TRIO: variants seen among roughly 807,000 people sequenced by gnomAD.
TRIO encodes triple functional domain protein.
A neutral mutation model predicts 351.9 loss-of-function variants in TRIO; 58 were observed. The ratio of observed to expected loss-of-function variants is 0.16; its 90% CI spans 0.13 to 0.21. The LOEUF is 0.21. TRIO is among the 10% of genes least tolerant of loss of function. TRIO has a pLI of 1.00. For missense variants in TRIO, 3,201 were observed against 4,027.8 expected, an observed-to-expected ratio of 0.79 and a Z score of 5.56; for synonymous variants, 1,758 against 1,595.7, an observed-to-expected ratio of 1.10 and a Z score of -2.42.
chr5:14,214,445 T>A (rs1283611861), intron 1 of TRIO, among the ~76,000 whole-genome samples: 2 of 152,326 alleles, frequency 1.3e-5, no homozygotes, highest in East Asian at 1.9e-4. Context: ...ACTCAGTAGG[T>A]GTTTCCTTAC....
At chr5:14,248,579 G>C (rs1794569832) in intron 1 of TRIO, among the ~76,000 whole-genome samples, 1 of 152,220 alleles carries the variant, frequency 6.6e-6, no homozygotes, top group African/African-American at 2.4e-5. Context: ...AGGCAGCTCA[G>C]GGCCTGGGAG....
chr5:14,197,067 G>C (rs900932649), intron 1 of TRIO, among the ~76,000 whole-genome samples: 3 of 152,160 alleles, frequency 2.0e-5, no homozygotes, highest in African/African-American at 4.8e-5. Context: ...GAAGAATGGA[G>C]GCCTGATAAA....
chr5:14,176,977 C>CA (rs1789443978), intron 1 of TRIO, among the ~76,000 whole-genome samples: 1 of 152,028 alleles, frequency 6.6e-6, no homozygotes, highest in Non-Finnish European at 1.5e-5. Context: ...AACACTTGAC[C>CA]ATTACATTTA....
At chr5:14,485,598 C>T (rs1561545078) in intron 47 of TRIO, among the ~76,000 whole-genome samples, 1 of 152,108 alleles carries the variant, frequency 6.6e-6, no homozygotes. Context: ...AGGGCCCAGT[C>T]CTAGGAAGAG....
chr5:14,215,583 T>A (rs1335356346), intron 1 of TRIO, among the ~76,000 whole-genome samples: 1 of 152,248 alleles, frequency 6.6e-6, no homozygotes, highest in African/African-American at 2.4e-5. Context: ...TCCTTAAGTT[T>A]CTTTAGTTCC....
At chr5:14,297,310 T>C in intron 7 of TRIO, 47 bp downstream of exon 7, 2 of 1,569,538 alleles carry the variant, frequency 1.3e-6, no homozygotes, top group Non-Finnish European at 1.7e-6. Context: ...CCAGAATAGT[T>C]CTTCCTCCAT....
At chr5:14,251,411 C>T (rs1159483961) in intron 1 of TRIO, among the ~76,000 whole-genome samples, 2 of 152,210 alleles carry the variant, frequency 1.3e-5, no homozygotes, top group African/African-American at 4.8e-5. Flanking sequence ...AAAATCATGG[C>T]ACCCAAATCC....
In TRIO at chr5:14,479,981, G is replaced by C; in HGVS notation, c.6306G>C (p.Gln2102His). The change falls in exon 43 of 57, where the codon CAG (glutamine) becomes CAC (histidine). Residue 2102 changes from glutamine to histidine, a missense_variant. Gln to His is a conservative substitution (Grantham distance 24). Around this residue, in one of 19 missense-constraint regions of TRIO, gnomAD observed 307 missense variants for 396.5 expected, o/e 0.77. Coordinates refer to ENST00000344204, the MANE Select transcript of TRIO (RefSeq NM_007118.4). ...CAGATCTGTTGATCAAACCAGTGCA[G>C]AGAATCATGAAGTATCAGCTGTTAC... is the stretch of plus-strand genomic sequence containing the variant. ...QLTDLLIKPV[Q>H]RIMKYQLLLK... 6.2e-7 allele frequency: 1 copy of C among 1,614,198 alleles called. No individual in the cohort carries two copies. Among genetic ancestry groups the C allele is most frequent in the South Asian group, 1.1e-5 (1 of 91,076 alleles).
intron 1 of TRIO, among the ~76,000 whole-genome samples, chr5:14,146,702 G>A (rs148356543): frequency 2.4e-3 from 369 of 152,320 alleles, no homozygotes; most frequent in African/African-American, 8.8e-3. Flanking sequence ...CCCTGGAGAG[G>A]GGTCCGGGAG....
chr5:14,243,144 C>A (rs181194247), intron 1 of TRIO, among the ~76,000 whole-genome samples: 2 of 152,244 alleles, frequency 1.3e-5, no homozygotes, highest in East Asian at 3.9e-4. Context: ...TCCGGGCACT[C>A]CCATTACTGC....
rs1003070191 is a variant in TRIO, at chr5:14,375,676, G to A, written c.3331+1333G>A. ...AGGAGTCTCAGACCACGTGGTCAGA[G>A]GACCCCCAGGAGCTTGAGGAAGCCC... On this transcript the variant is annotated intron_variant, in intron 19 of 56. Transcript: ENST00000344204. Among the ~76,000 whole-genome samples the A allele has an allele frequency of 2.6e-5, 4 of 152,162 alleles. No individual in the cohort carries two copies. In the South Asian group the frequency reaches 6.2e-4, roughly 24 times the overall value.
chr5:14,410,869 C>A (rs992363088), intron 33 of TRIO, among the ~76,000 whole-genome samples: 1 of 152,176 alleles, frequency 6.6e-6, no homozygotes, highest in African/African-American at 2.4e-5. Flanking sequence ...CCCAGCAGCA[C>A]GTTTCCTACT....
At chr5:14,350,915 T>G (rs256423) in intron 11 of TRIO, among the ~76,000 whole-genome samples, 5,124 of 152,202 alleles carry the variant, frequency 0.034, 144 homozygotes, top group Non-Finnish European at 0.043. Context: ...TGCCTCAGAT[T>G]ATCAGGCGTT....
chr5:14,316,445 C>A, intron 8 of TRIO, 68 bp from the exon 9 acceptor site: 1 of 1,520,462 alleles, frequency 6.6e-7, no homozygotes, highest in Non-Finnish European at 9.0e-7. Flanking sequence ...TATCCAAGGA[C>A]AGCATCTGTG....
Position 14,330,918 on chromosome 5 carries a change from A to T in TRIO, c.1854+18A>T. On this transcript the variant is annotated intron_variant, in intron 10 of 56. Coordinates refer to ENST00000344204, the MANE Select transcript of TRIO (RefSeq NM_007118.4). ...TGGCACAGGTAAAACAATGGCTTCT[A>T]TTATTTTATCCCATAAATACCCGTG... 6.2e-7 allele frequency: 1 copy of T among 1,613,446 alleles called. No homozygotes were observed. Among genetic ancestry groups the T allele is most frequent in the South Asian group, 1.1e-5 (1 of 90,994 alleles).
At chr5:14,330,311 T>G (rs1343839048) in intron 9 of TRIO, among the ~76,000 whole-genome samples, 4 of 152,214 alleles carry the variant, frequency 2.6e-5, no homozygotes, top group African/African-American at 9.6e-5. Flanking sequence ...TTCATGTGTT[T>G]GAGTCTTCTA....
intron 7 of TRIO, among the ~76,000 whole-genome samples, chr5:14,302,399 CTCAA>C (rs996064891): frequency 2.0e-5 from 3 of 152,102 alleles, no homozygotes; most frequent in East Asian, 1.9e-4. Flanking sequence ...GATGGTTAAC[CTCAA>C]TCAATTTGTG....
chr5:14,486,994 G>A (rs970124324), intron 47 of TRIO, among the ~76,000 whole-genome samples: 4 of 152,190 alleles, frequency 2.6e-5, no homozygotes, highest in Non-Finnish European at 5.9e-5. Context: ...AGGCACCCAA[G>A]TCAAGAGATG....
intron 8 of TRIO, among the ~76,000 whole-genome samples, chr5:14,305,465 GAGTA>G (rs1184033041): frequency 6.6e-5 from 10 of 152,210 alleles, no homozygotes; most frequent in African/African-American, 2.4e-4. Flanking sequence ...TTTTCTCCCT[GAGTA>G]AGAAGCATCT....
Sources: gnomAD v4.1 joint callset for allele counts (sites outside exome capture counted in the v4.1 genomes callset) on GRCh38, gnomAD v4.1.1 for gene constraint, gnomAD v4.1.1 regional missense constraint, MANE v1.5 for transcripts, NCBI Gene and HGNC (gene_info 2026-07-23, HGNC 2026-07-21) for gene names.